Variants in LPIN2 observed in about 807,000 individuals in gnomAD.
LPIN2 encodes the protein phosphatidate phosphatase LPIN2.
A neutral mutation model predicts 111.4 loss-of-function variants in LPIN2; 55 were observed. The ratio of observed to expected loss-of-function variants is 0.49; its 90% CI spans 0.40 to 0.62. The LOEUF (loss-of-function observed/expected upper bound fraction) is 0.62, where lower values mean the gene tolerates loss of function less well. LPIN2 is among the 20% of genes least tolerant of loss of function. LPIN2 has a pLI of 0.00. For synonymous variants in LPIN2, 425 were observed against 414.0 expected (o/e 1.03, Z -0.32); for missense variants, 992 against 1,112.1 (o/e 0.89, Z 1.54).
chr18:2,957,760 GA>G (rs2077634796), intron 2 of LPIN2, among the ~76,000 whole-genome samples: 1 of 152,140 alleles, frequency 6.6e-6, no homozygotes, highest in South Asian at 2.1e-4. Flanking sequence ...AAGAAAAAGG[GA>G]ATTCTGACAG....
rs151293770 is a variant in LPIN2 at position 2,926,805 on chromosome 18, G to T, written c.1711C>A (p.Leu571Met). Residue 571 changes from leucine (L) to methionine (M), a missense_variant and splice_region_variant, in exon 13 of 20, where the codon CTG becomes ATG. By Grantham distance (15) the Leu-to-Met change is conservative. Transcript: ENST00000677752. ...WRKRESMTKQ[L>M]PESKEGKSEA... ...GATTTTCCCTCCTTGGATTCTGGCA[G>T]CTGTAACAGCAAGATGATAATGGCA... 1 of 1,613,226 alleles carries T rather than the reference G, an allele frequency of 6.2e-7. No homozygotes were observed. Among genetic ancestry groups the T allele is most frequent in the Non-Finnish European group, 8.5e-7 (1 of 1,179,540 alleles).
chr18:2,929,775 G>A (rs902595904), intron 9 of LPIN2, among the ~76,000 whole-genome samples: 1 of 152,072 alleles, frequency 6.6e-6, no homozygotes, highest in African/African-American at 2.4e-5. Context: ...GTATGGTGGT[G>A]CCAACCTGTA....
At position 2,946,477 on chromosome 18, in the gene LPIN2, G is replaced by A. The variant is rs547206188; in HGVS notation, c.590+4578C>T. On this transcript the variant is annotated intron_variant, in intron 4 of 19. Transcript: ENST00000677752. Reference sequence around the variant, plus strand: ...CTGGGTGATATGTGCAAGCATCGTCGGAATTGGTCTCAGGATCGAAGCGCT... The same window carrying A: ...CTGGGTGATATGTGCAAGCATCGTCAGAATTGGTCTCAGGATCGAAGCGCT... The A allele has an allele frequency of 2.7e-5, 42 of 1,543,766 alleles. 1 individual carries two copies. Among genetic ancestry groups the A allele is most frequent in the South Asian group, 1.6e-4 (14 of 89,636 alleles).
At chr18:2,942,339 CCT>C (rs1345230033) in intron 4 of LPIN2, among the ~76,000 whole-genome samples, 8 of 152,054 alleles carry the variant, frequency 5.3e-5, no homozygotes, top group South Asian at 2.1e-4. Context: ...CAAATTTTCC[CCT>C]GAGAAAGGGA....
In LPIN2 at chr18:2,940,660, A is replaced by G. The variant is rs1269840292; in HGVS notation, c.643T>C (p.Phe215Leu). ...AAGGGGTAATGATCCCCAGAATGGA[A>G]GAGCAAAGGCTCTTTACATTCTTCT... ...KEEECKEPLL[F>L]HSGDHYPLSD... Residue 215 changes from phenylalanine to leucine, a missense_variant, in exon 5 of 20, where the codon TTC (phenylalanine) becomes CTC (leucine). Phe to Leu is a conservative substitution (Grantham distance 22, BLOSUM62 0). Around this residue, in one of 4 missense-constraint regions of LPIN2, gnomAD observed 709 missense variants for 753.2 expected, o/e 0.94. Coordinates refer to ENST00000677752, the MANE Select transcript of LPIN2 (RefSeq NM_001375808.2). 3.1e-6 allele frequency: 5 copies of G among 1,613,586 alleles called. No homozygotes were observed. The highest frequency in any genetic ancestry group is 3.4e-6 in the Non-Finnish European group (4 of 1,179,654).
intron 1 of LPIN2, among the ~76,000 whole-genome samples, chr18:2,984,196 C>T (rs1419993077): frequency 6.6e-6 from 1 of 152,072 alleles, no homozygotes; most frequent in Non-Finnish European, 1.5e-5. Context: ...AATTAAAAAC[C>T]AATTTCACCA....
rs774296727 is a variant in LPIN2, at chr18:2,939,547, G to A, written c.755C>T (p.Ala252Val). ...AGACTCTGATCTGAGCAGGCTCTCC[G>A]CAGGTTTCACCTCCAGCTCTGAATC... Reference protein sequence around the residue: ...KSDSELEVKPAESLLRSESHM... With the variant: ...KSDSELEVKPVESLLRSESHM... Residue 252 changes from alanine (A) to valine (V), a missense_variant, in exon 6 of 20, where the codon GCG becomes GTG. Physicochemically the swap from Ala to Val is moderately conservative, Grantham distance 64. This residue lies in a region of LPIN2 where 709 missense variants were observed against 753.2 expected (regional missense o/e 0.94). Coordinates refer to ENST00000677752, the MANE Select transcript of LPIN2 (RefSeq NM_001375808.2). The A allele has an allele frequency of 1.7e-5, 27 of 1,613,842 alleles. No individual in the cohort carries two copies. The South Asian group carries it at 2.1e-4, about 12-fold the overall frequency.
intron 1 of LPIN2, chr18:2,972,473 G>A (rs529610056): frequency 6.6e-6 from 1 of 152,282 alleles, no homozygotes; most frequent in African/African-American, 2.4e-5. Context: ...TTACGAAAAT[G>A]CCCAATATAA....
At chr18:2,928,521 A>G (rs773771197) in intron 11 of LPIN2, 70 bp downstream of exon 11, 200 of 1,408,330 alleles carry the variant, frequency 1.4e-4, no homozygotes, top group Non-Finnish European at 1.9e-4. Context: ...AAATATGCAC[A>G]TATGGATTTG....
intron 1 of LPIN2, among the ~76,000 whole-genome samples, chr18:2,983,555 C>T (rs1023520525): frequency 6.6e-6 from 1 of 152,104 alleles, no homozygotes; most frequent in Admixed American, 6.5e-5. Context: ...TTTTTTCATA[C>T]CATTGTCTAG....
rs2077340614 is a variant in LPIN2 at position 2,939,523 on chromosome 18, G to C, written c.779C>G (p.Ser260Cys). The C allele has an allele frequency of 1.2e-6, 2 of 1,613,946 alleles. No individual in the cohort carries two copies. Among genetic ancestry groups the C allele is most frequent in the African/African-American group, 1.3e-5 (1 of 74,924 alleles). ...TCCGCCCCACGTCCACTCCATGTGA[G>C]ACTCTGATCTGAGCAGGCTCTCCGC... ...KPAESLLRSE[S>C]HMEWTWGGFP... Residue 260 changes from serine to cysteine, a missense_variant, in exon 6 of 20, where the codon TCT becomes TGT. Ser to Cys is a moderately radical substitution (Grantham distance 112, BLOSUM62 -1). Transcript: ENST00000677752.
intron 1 of LPIN2, among the ~76,000 whole-genome samples, chr18:2,983,863 T>C (rs1360183244): frequency 1.3e-5 from 2 of 152,194 alleles, no homozygotes; most frequent in African/African-American, 4.8e-5. Flanking sequence ...GCTCACATTA[T>C]ATTTCTATTG....
At chr18:2,947,850 T>A (rs1410517642) in intron 4 of LPIN2, among the ~76,000 whole-genome samples, 4 of 152,194 alleles carry the variant, frequency 2.6e-5, no homozygotes, top group African/African-American at 9.7e-5. Flanking sequence ...GAACACGTTG[T>A]TTCATATGCT....
chr18:2,985,099 T>C (rs949218519), intron 1 of LPIN2: 3 of 152,258 alleles, frequency 2.0e-5, no homozygotes, highest in Admixed American at 2.0e-4. Context: ...ATGTCCTGAC[T>C]GCAAGGAACA....
At chr18:3,005,457 C>G (rs2078499471) in intron 1 of LPIN2, among the ~76,000 whole-genome samples, 1 of 151,944 alleles carries the variant, frequency 6.6e-6, no homozygotes, top group Admixed American at 6.5e-5. Context: ...GTGGGAGGAT[C>G]GCTTGAGCCC....
chr18:3,007,100 G>C (rs567219395), intron 1 of LPIN2, among the ~76,000 whole-genome samples: 9 of 151,834 alleles, frequency 5.9e-5, no homozygotes, highest in Non-Finnish European at 1.3e-4. Context: ...TCTTATTCTC[G>C]AATAGTTCAT....
At chr18:2,940,862 G>T (rs1299457123) in intron 4 of LPIN2, 150 bp from the exon 5 acceptor site, 1 of 662,832 alleles carries the variant, frequency 1.5e-6, no homozygotes, top group Non-Finnish European at 2.7e-6. Flanking sequence ...GAGAAGGGGG[G>T]ATACACCAAT....
At position 2,954,552 on chromosome 18, in the gene LPIN2, C is replaced by T; in HGVS notation, c.240G>A (p.Leu80=). The change falls in exon 3 of 20, where the codon TTG becomes TTA. Residue 80 remains leucine, a synonymous_variant. Coordinates refer to ENST00000677752, the MANE Select transcript of LPIN2 (RefSeq NM_001375808.2). ...NGSAVDLHMK[L]GDNGEAFFVE... ...CAAAGAAAGCTTCTCCGTTATCACC[C>T]AACTTCATGTGAAGATCCACTGCAC... is the stretch of plus-strand genomic sequence containing the variant. 6.2e-7 allele frequency: 1 copy of T among 1,614,106 alleles called. No individual in the cohort carries two copies. Among genetic ancestry groups the T allele is most frequent in the African/African-American group, 1.3e-5 (1 of 75,058 alleles).
intron 4 of LPIN2, among the ~76,000 whole-genome samples, chr18:2,942,286 T>G (rs1200818885): frequency 6.6e-6 from 1 of 152,166 alleles, no homozygotes; most frequent in Non-Finnish European, 1.5e-5. Flanking sequence ...GAAAGACATC[T>G]AGGAAAAAGT....
Sources: gnomAD v4.1 joint callset for allele counts (sites outside exome capture counted in the v4.1 genomes callset) on GRCh38, gnomAD v4.1.1 for gene constraint, gnomAD v4.1.1 regional missense constraint, MANE v1.5 for transcripts, NCBI Gene and HGNC (gene_info 2026-07-23, HGNC 2026-07-21) for gene names.